Variants in SLC17A8 observed in about 807,000 individuals in gnomAD.
SLC17A8 encodes solute carrier family 17 member 8, also known as vesicular glutamate transporter 3.
Under a neutral mutation model 58.0 loss-of-function variants are expected in SLC17A8, and 31 were observed. That is an observed-to-expected ratio of 0.53 (90% confidence interval 0.40 to 0.72). SLC17A8 has a LOEUF of 0.72. Among genes scored for constraint, SLC17A8 ranks in the 30% least tolerant of loss-of-function variants. The probability of loss-of-function intolerance (pLI) is 0.00; values close to 1 mark genes in which losing one functional copy is unlikely to be tolerated. For synonymous variants in SLC17A8, 228 were observed against 249.0 expected (o/e 0.92, Z 0.79); for missense variants, 655 against 727.8 (o/e 0.90, Z 1.15).
At chr12:100,371,234 T>G (rs1248605683) in intron 1 of SLC17A8, among the ~76,000 whole-genome samples, 3 of 152,204 alleles carry the variant, frequency 2.0e-5, no homozygotes. Context: ...AGTCCCATCT[T>G]CCTTTCATAA....
chr12:100,394,266 C>A (rs74389197), intron 4 of SLC17A8, among the ~76,000 whole-genome samples: 3,560 of 152,186 alleles, frequency 0.023, 42 homozygotes, highest in Non-Finnish European at 0.028. Flanking sequence ...TGCCCATGTA[C>A]AACTTGTACT....
At chr12:100,391,656 A>G (rs958294849) in intron 3 of SLC17A8, among the ~76,000 whole-genome samples, 1 of 151,774 alleles carries the variant, frequency 6.6e-6, no homozygotes, top group African/African-American at 2.4e-5. Flanking sequence ...TTACCTTGCA[A>G]CTCTTCAAGT....
chr12:100,398,018 C>A (rs986210742), intron 5 of SLC17A8, among the ~76,000 whole-genome samples: 4 of 151,456 alleles, frequency 2.6e-5, no homozygotes, highest in Non-Finnish European at 5.9e-5. Context: ...TTAGGTCTGT[C>A]TGATTTTCAA....
chr12:100,401,987 T>G, intron 6 of SLC17A8, 124 bp downstream of exon 6: 1 of 801,742 alleles, frequency 1.2e-6, no homozygotes, highest in South Asian at 1.4e-5. Flanking sequence ...ATTGTATAAA[T>G]GGAATACTTT....
intron 2 of SLC17A8, among the ~76,000 whole-genome samples, chr12:100,386,246 T>C (rs755218367): frequency 5.9e-5 from 9 of 152,196 alleles, no homozygotes; most frequent in Non-Finnish European, 8.8e-5. Flanking sequence ...TGGTTTATTA[T>C]AGTGATGGTC....
chr12:100,367,235 C>A (rs1276689835), intron 1 of SLC17A8, among the ~76,000 whole-genome samples: 1 of 152,006 alleles, frequency 6.6e-6, no homozygotes, highest in Non-Finnish European at 1.5e-5. Flanking sequence ...TAAAGAGAGA[C>A]CTTTTAATTG....
intron 5 of SLC17A8, among the ~76,000 whole-genome samples, chr12:100,399,455 TGA>T (rs1566399375): frequency 6.6e-6 from 1 of 152,150 alleles, no homozygotes; most frequent in African/African-American, 2.4e-5. Context: ...AAGAACCACC[TGA>T]GACTGGGTAA....
At chr12:100,397,787 C>CA (rs1952763299) in intron 5 of SLC17A8, among the ~76,000 whole-genome samples, 1 of 151,898 alleles carries the variant, frequency 6.6e-6, no homozygotes, top group Non-Finnish European at 1.5e-5. Context: ...ACCAAAAATA[C>CA]AAAAAATTAG....
intron 8 of SLC17A8, 127 bp downstream of exon 8, chr12:100,402,872 C>A: frequency 1.0e-6 from 1 of 966,554 alleles, no homozygotes; most frequent in Non-Finnish European, 1.5e-6. Context: ...CACCTAATAG[C>A]CTGGCTGTCA....
intron 1 of SLC17A8, among the ~76,000 whole-genome samples, chr12:100,373,450 A>G (rs1324386470): frequency 1.3e-5 from 2 of 152,092 alleles, no homozygotes; most frequent in African/African-American, 4.8e-5. Context: ...TTGATCCACC[A>G]ATTCCATTCA....
At chr12:100,367,558 T>C (rs1952528348) in intron 1 of SLC17A8, among the ~76,000 whole-genome samples, 1 of 152,200 alleles carries the variant, frequency 6.6e-6, no homozygotes, top group South Asian at 2.1e-4. Context: ...TATTTATTTA[T>C]TTATTTATTT....
intron 1 of SLC17A8, among the ~76,000 whole-genome samples, chr12:100,370,796 A>C (rs1952554142): frequency 6.6e-6 from 1 of 152,158 alleles, no homozygotes; most frequent in Admixed American, 6.5e-5. Flanking sequence ...TGAGGTAAGA[A>C]GCAGTGAGTC....
chr12:100,397,894 A>G (rs1415137031), intron 5 of SLC17A8, among the ~76,000 whole-genome samples: 3 of 150,260 alleles, frequency 2.0e-5, no homozygotes, highest in African/African-American at 7.4e-5. Context: ...GTGAGCCGAG[A>G]TCACACCATT....
At chr12:100,399,002 C>T (rs1427415771) in intron 5 of SLC17A8, among the ~76,000 whole-genome samples, 1 of 152,166 alleles carries the variant, frequency 6.6e-6, no homozygotes, top group Admixed American at 6.5e-5. Context: ...TCCAATTAAA[C>T]CTCTTTCTTT....
intron 9 of SLC17A8, among the ~76,000 whole-genome samples, chr12:100,410,397 A>G (rs1952858341): frequency 6.6e-6 from 1 of 151,872 alleles, no homozygotes; most frequent in South Asian, 2.1e-4. Context: ...CAGGAGGCTG[A>G]GGCAGGAGAA....
chr12:100,416,611 C>T (rs908911338), intron 10 of SLC17A8, among the ~76,000 whole-genome samples: 1 of 151,756 alleles, frequency 6.6e-6, no homozygotes, highest in African/African-American at 2.4e-5. Context: ...AAGCCTACAA[C>T]CCCTTGCTAT....
At chr12:100,376,578 C>G in intron 1 of SLC17A8, among the ~76,000 whole-genome samples, 1 of 152,152 alleles carries the variant, frequency 6.6e-6, no homozygotes, top group East Asian at 1.9e-4. Flanking sequence ...GCTTTCTGAA[C>G]TACAGTTGTA....
rs1004180288 is a variant in SLC17A8, at chr12:100,420,450, C to A, written c.*291C>A. ...TGACTAGAAGAAAAAGGAGACAATA[C>A]CATGTTGTTCAAAGAAACATTGAAG... On this transcript the variant is annotated 3_prime_UTR_variant, in exon 12 of 12. Transcript: ENST00000323346. 6 of 339,880 alleles carry A rather than the reference C, an allele frequency of 1.8e-5. No individual in the cohort carries two copies. The highest frequency in any genetic ancestry group is 8.3e-5 in the African/African-American group (4 of 48,240). 21.1% of individuals were successfully genotyped at this position (339,880 alleles called of 1,614,324 possible).
At chr12:100,388,908 T>C (rs577772974) in intron 2 of SLC17A8, among the ~76,000 whole-genome samples, 5 of 152,214 alleles carry the variant, frequency 3.3e-5, no homozygotes, top group African/African-American at 1.2e-4. Context: ...AAACAGGACA[T>C]GGCTGCTATC....
Sources: allele counts gnomAD v4.1 joint callset (sites outside exome capture counted in the v4.1 genomes callset), GRCh38; gene constraint gnomAD v4.1.1; transcripts MANE v1.5; gene names NCBI Gene and HGNC (gene_info 2026-07-23, HGNC 2026-07-21).